The following TMEM273 variants were observed in gnomAD, a reference collection of about 807,000 sequenced individuals.
The protein encoded by TMEM273 is chromosome 10 open reading frame 128.
In TMEM273, 19 loss-of-function variants were observed where a neutral mutation model predicts 17.9. That is an observed-to-expected ratio of 1.06 (90% CI 0.74 to 1.55). TMEM273 has a LOEUF of 1.55. Among genes scored for constraint, TMEM273 ranks in the 40% most tolerant of loss-of-function variants. TMEM273 has a pLI of 0.00. For synonymous variants in TMEM273, 66 were observed against 62.0 expected, an observed-to-expected ratio of 1.07 and a Z score of -0.31; for missense variants, 194 against 155.6, an observed-to-expected ratio of 1.25 and a Z score of -1.31.
At chr10:49,186,839 T>C (rs1375405853) in intron 1 of TMEM273, among the ~76,000 whole-genome samples, 2 of 152,170 alleles carry the variant, frequency 1.3e-5, no homozygotes, top group African/African-American at 4.8e-5. Context: ...ATGCAGGTAA[T>C]TGTGGCACCT....
At chr10:49,156,085 G>T in intron 6 of TMEM273, 176 bp from the exon 7 acceptor site, 1 of 1,543,714 alleles carries the variant, frequency 6.5e-7, no homozygotes, top group Admixed American at 2.0e-5. Flanking sequence ...AGTGGCTTCT[G>T]GGTAAAGGGG....
At chr10:49,164,739 C>T (rs538957520) in intron 5 of TMEM273, among the ~76,000 whole-genome samples, 55 of 152,264 alleles carry the variant, frequency 3.6e-4, no homozygotes, top group East Asian at 2.7e-3. Context: ...TCCTTCCGCA[C>T]GTAGCCTGAG....
chr10:49,186,068 G>GAAGAAGAAGAAGAAGAAGAAGAAGAA lies in TMEM273; in HGVS notation c.43+2225_43+2226insTTCTTCTTCTTCTTCTTCTTCTTCTT, dbSNP rs1554850042. 7.4e-4 allele frequency among the ~76,000 whole-genome samples: 50 copies of GAAGAAGAAGAAGAAGAAGAAGAAGAA among 67,178 alleles called. 2 individuals carry two copies. The highest frequency in any genetic ancestry group is 9.1e-4 in the Non-Finnish European group (29 of 31,792). 44.1% of individuals were successfully genotyped at this position (67,178 alleles called of 152,430 possible). On this transcript the variant is annotated intron_variant, in intron 1 of 6. Transcript: ENST00000374153. ...AAGAAGAAGAGGAAGAAGAAGAAGA[G>GAAGAAGAAGAAGAAGAAGAAGAAGAA]GAAGAAGAAGAAGAAGAAGAAGAAG... is the stretch of plus-strand genomic sequence containing the variant.
intron 1 of TMEM273, 43 bp downstream of exon 1, chr10:49,188,251 C>G: frequency 6.2e-7 from 1 of 1,612,180 alleles, no homozygotes; most frequent in Non-Finnish European, 8.5e-7. Context: ...TTCCTGCCCA[C>G]TGAGGCTCCC....
intron 1 of TMEM273, among the ~76,000 whole-genome samples, chr10:49,184,168 T>C (rs1847524691): frequency 6.6e-6 from 1 of 152,218 alleles, no homozygotes; most frequent in Non-Finnish European, 1.5e-5. Flanking sequence ...AGATCCTTTC[T>C]TTAGGCCGTA....
chr10:49,176,415 A>G (rs1459318900), intron 1 of TMEM273, among the ~76,000 whole-genome samples: 1 of 152,180 alleles, frequency 6.6e-6, no homozygotes, highest in Non-Finnish European at 1.5e-5. Context: ...TGGCCACTTG[A>G]TGTTGGTGCT....
intron 1 of TMEM273, among the ~76,000 whole-genome samples, chr10:49,168,442 C>T (rs375847210): frequency 2.4e-4 from 36 of 152,246 alleles, no homozygotes; most frequent in African/African-American, 6.7e-4. Flanking sequence ...CAGTGTGCTC[C>T]GTAGCCGTGG....
rs1489265201 is a variant in TMEM273 at position 49,155,669 on chromosome 10, C to G, written c.*223G>C. ...CCACTGCAGGCTAAATTGCTCAATCCTTCCTCTGTGCAGTCCGTTTCTTCC... is the reference window on the plus strand; with the variant it reads ...CCACTGCAGGCTAAATTGCTCAATCGTTCCTCTGTGCAGTCCGTTTCTTCC... On this transcript the variant is annotated 3_prime_UTR_variant, in exon 7 of 7. Transcript: ENST00000374153. The G allele has an allele frequency of 1.1e-5, 7 of 632,428 alleles. No individual in the cohort carries two copies. The highest frequency in any genetic ancestry group is 1.9e-5 in the Non-Finnish European group (7 of 369,624). 39.2% of individuals were successfully genotyped at this position (632,428 alleles called of 1,614,324 possible). A position where few individuals can be genotyped will look rare whatever the true frequency, so the allele number is the denominator to read the frequency against.
At chr10:49,175,302 G>A (rs1171478827) in intron 1 of TMEM273, among the ~76,000 whole-genome samples, 2 of 152,178 alleles carry the variant, frequency 1.3e-5, no homozygotes, top group Admixed American at 6.5e-5. Context: ...GCTCCCAGAG[G>A]TGGGAGTGCT....
At chr10:49,169,951 C>T (rs2132178058) in intron 1 of TMEM273, among the ~76,000 whole-genome samples, 1 of 152,344 alleles carries the variant, frequency 6.6e-6, no homozygotes, top group South Asian at 2.1e-4. Flanking sequence ...AGGGCAGGGC[C>T]TCAGTGGGTG....
intron 1 of TMEM273, among the ~76,000 whole-genome samples, chr10:49,171,369 A>G (rs1463896964): frequency 6.6e-6 from 1 of 152,242 alleles, no homozygotes; most frequent in South Asian, 2.1e-4. Context: ...CAGAGGGCAG[A>G]GGGCTACCTC....
intron 1 of TMEM273, among the ~76,000 whole-genome samples, chr10:49,177,610 G>C (rs1366560910): frequency 6.6e-6 from 1 of 152,224 alleles, no homozygotes; most frequent in Non-Finnish European, 1.5e-5. Context: ...CTGAGTCACT[G>C]GCTCCGAGGA....
Position 49,188,382 on chromosome 10 carries a change from C to G in TMEM273, c.-46G>C. 6.2e-7 allele frequency: 1 copy of G among 1,613,780 alleles called. No homozygotes were observed. The highest frequency in any genetic ancestry group is 2.2e-5 in the East Asian group (1 of 44,840). On this transcript the variant is annotated 5_prime_UTR_variant, in exon 1 of 7. Coordinates refer to ENST00000374153, the MANE Select transcript of TMEM273 (RefSeq NM_001288740.3). Reference sequence around the variant, plus strand: ...TCCTGGCTCCTGGCTGCTGGCAGCGCAGGCACAATGAGCCATGTGACCCAA... The same window carrying G: ...TCCTGGCTCCTGGCTGCTGGCAGCGGAGGCACAATGAGCCATGTGACCCAA...
Position 49,155,214 on chromosome 10 carries a change from C to T in TMEM273, c.*678G>A, listed in dbSNP as rs1845443133. On this transcript the variant is annotated 3_prime_UTR_variant, in exon 7 of 7. Transcript: ENST00000374153. ...CATGGCCCTCTGCAAGGCACAGCAT[C>T]TGCTTTCTCATTTGGTCCTTCGTTG... 6.6e-6 allele frequency: 1 copy of T among 152,642 alleles called. No individual in the cohort carries two copies. Among genetic ancestry groups the T allele is most frequent in the Admixed American group, 6.5e-5 (1 of 15,330 alleles). The allele number at this position is 152,642 out of a possible 1,614,324, so 9.5% of individuals were successfully genotyped here. A position where few individuals can be genotyped will look rare whatever the true frequency, so the allele number is the denominator to read the frequency against.
intron 4 of TMEM273, 36 bp downstream of exon 4, chr10:49,165,730 G>C (rs370592323): frequency 3.7e-6 from 6 of 1,613,496 alleles, no homozygotes; most frequent in Non-Finnish European, 4.2e-6. Context: ...GAGAGAACAC[G>C]ATACCTCTCC....
At position 49,166,885 on chromosome 10, in the gene TMEM273, C is replaced by T. The variant is rs45563932; in HGVS notation, c.222G>A (p.Thr74=). The change falls in exon 3 of 7, where the codon ACG becomes ACA. Residue 74 remains threonine (T), a synonymous_variant. Transcript: ENST00000374153. The part of the protein sequence containing the change: ...FDDDSSDLKS[T]PGGLSDTIPL... ...ATCCCTCACCACTGAGGCCCCCAGG[C>T]GTGCTTTTCAGGTCGGAAGAGTCGT... 299,490 of 1,613,658 alleles carry T rather than the reference C, an allele frequency of 0.19. 31,219 individuals are homozygous for T. The highest frequency in any genetic ancestry group is 0.22 in the Non-Finnish European group (256,901 of 1,179,906).
At chr10:49,168,704 G>GGAAA (rs1554844788) in intron 1 of TMEM273, among the ~76,000 whole-genome samples, 1 of 133,936 alleles carries the variant, frequency 7.5e-6, no homozygotes, top group African/African-American at 2.9e-5. Context: ...GAGGGAGGGA[G>GGAAA]GGAGGGAGGG....
Position 49,186,038 on chromosome 10 carries a change from A to AGAAGAAGAAGAAGAG in TMEM273, c.43+2241_43+2255dup, listed in dbSNP as rs1564651803. Among the ~76,000 whole-genome samples the AGAAGAAGAAGAAGAG allele has an allele frequency of 4.4e-4, 51 of 116,080 alleles. 5 individuals are homozygous for AGAAGAAGAAGAAGAG. Among genetic ancestry groups the AGAAGAAGAAGAAGAG allele is most frequent in the African/African-American group, 1.5e-3 (51 of 33,256 alleles). 76.2% of individuals were successfully genotyped at this position (116,080 alleles called of 152,430 possible). On this transcript the variant is annotated intron_variant, in intron 1 of 6. Coordinates refer to ENST00000374153, the MANE Select transcript of TMEM273 (RefSeq NM_001288740.3). ...AGGAGGAAGAAGAAGAAGAAGAAAA[A>AGAAGAAGAAGAAGAG]GAAGAAGAAGAAGAGGAAGAAGAAG... is the stretch of plus-strand genomic sequence containing the variant.
chr10:49,184,112 GGT>G (rs1847520707), intron 1 of TMEM273, among the ~76,000 whole-genome samples: 1 of 152,138 alleles, frequency 6.6e-6, no homozygotes, highest in Non-Finnish European at 1.5e-5. Context: ...TCATTACACA[GGT>G]GATATTGCAA....
Sources: allele counts gnomAD v4.1 joint callset (sites outside exome capture counted in the v4.1 genomes callset), GRCh38; gene constraint gnomAD v4.1.1; transcripts MANE v1.5; gene names NCBI Gene and HGNC (gene_info 2026-07-23, HGNC 2026-07-21).